Variants in EIF3H observed in about 807,000 individuals in gnomAD.
EIF3H encodes eIF-3-gamma.
A neutral mutation model predicts 44.2 loss-of-function variants in EIF3H; 26 were observed. The observed-to-expected ratio is 0.59, with a 90% CI of 0.43 to 0.82. The LOEUF is 0.82. Ranked by LOEUF, EIF3H falls within the 40% of genes least tolerant of loss-of-function variation. EIF3H has a pLI of 0.00. For synonymous variants in EIF3H, 166 were observed against 151.9 expected, an observed-to-expected ratio of 1.09 and a Z score of -0.68; for missense variants, 359 against 432.8, an observed-to-expected ratio of 0.83 and a Z score of 1.51.
At chr8:116,684,113 C>CA (rs1259277322) in intron 2 of EIF3H, among the ~76,000 whole-genome samples, 2 of 152,120 alleles carry the variant, frequency 1.3e-5, no homozygotes, top group South Asian at 2.1e-4. Flanking sequence ...TCCATTTCTG[C>CA]AAAAAGAACT....
At chr8:116,735,748 C>T (rs1815024750) in intron 1 of EIF3H, among the ~76,000 whole-genome samples, 1 of 151,924 alleles carries the variant, frequency 6.6e-6, no homozygotes, top group African/African-American at 2.4e-5. Flanking sequence ...TATCAAGCCC[C>T]CACTTTATTA....
intron 1 of EIF3H, among the ~76,000 whole-genome samples, chr8:116,729,174 A>G (rs1814910011): frequency 6.6e-6 from 1 of 152,190 alleles, no homozygotes; most frequent in Admixed American, 6.5e-5. Flanking sequence ...AAAGTAAACA[A>G]GAGATATTAG....
chr8:116,702,253 C>G (rs1033064240), intron 2 of EIF3H, among the ~76,000 whole-genome samples: 4 of 152,142 alleles, frequency 2.6e-5, no homozygotes, highest in African/African-American at 9.7e-5. Context: ...ACAAATGGTT[C>G]ATTCAGCATG....
upstream of EIF3H, among the ~76,000 whole-genome samples, chr8:116,760,457 A>C (rs1387732275): frequency 1.3e-5 from 2 of 152,254 alleles, no homozygotes; most frequent in African/African-American, 4.8e-5. Flanking sequence ...CAATAAAAAG[A>C]AAATAATATT....
At chr8:116,665,866 G>A (rs1448405918) in intron 2 of EIF3H, among the ~76,000 whole-genome samples, 1 of 152,188 alleles carries the variant, frequency 6.6e-6, no homozygotes, top group Non-Finnish European at 1.5e-5. Context: ...TGTAGACTTA[G>A]GCAAACAGAA....
chr8:116,753,467 G>T (rs1050885756), intron 1 of EIF3H, among the ~76,000 whole-genome samples: 1 of 152,080 alleles, frequency 6.6e-6, no homozygotes, highest in Non-Finnish European at 1.5e-5. Context: ...AGATATGAGC[G>T]TTTTCACCAC....
chr8:116,657,156 A>T, intron 4 of EIF3H, 59 bp downstream of exon 4: 1 of 1,440,132 alleles, frequency 6.9e-7, no homozygotes, highest in East Asian at 2.3e-5. Context: ...GAGATGTGGC[A>T]AAGAAAAATC....
chr8:116,656,976 T>G (rs1439234453), intron 4 of EIF3H, among the ~76,000 whole-genome samples: 1 of 152,172 alleles, frequency 6.6e-6, no homozygotes, highest in African/African-American at 2.4e-5. Flanking sequence ...ATCCAGTAGC[T>G]AATTAATTCC....
chr8:116,724,858 C>T (rs1156476965), intron 2 of EIF3H, among the ~76,000 whole-genome samples: 1 of 151,940 alleles, frequency 6.6e-6, no homozygotes, highest in African/African-American at 2.4e-5. Flanking sequence ...GGTGCAGCTG[C>T]TATTAAAAAA....
chr8:116,684,623 C>A (rs963433963), intron 2 of EIF3H, among the ~76,000 whole-genome samples: 6 of 151,898 alleles, frequency 4.0e-5, no homozygotes, highest in African/African-American at 1.5e-4. Context: ...AGGAAAAACA[C>A]AGAAATCTGG....
intron 2 of EIF3H, among the ~76,000 whole-genome samples, chr8:116,685,849 A>C (rs1563642543): frequency 6.6e-6 from 1 of 152,204 alleles, no homozygotes; most frequent in Non-Finnish European, 1.5e-5. Flanking sequence ...GTGTCATGAA[A>C]GGTTCCCAAA....
intron 1 of EIF3H, among the ~76,000 whole-genome samples, chr8:116,763,174 G>C (rs1317035467): frequency 6.6e-6 from 1 of 152,242 alleles, no homozygotes; most frequent in African/African-American, 2.4e-5. Flanking sequence ...TTGGGTAGAT[G>C]TGTGTAGGGA....
chr8:116,662,267 C>CT (rs1019447974), intron 2 of EIF3H, among the ~76,000 whole-genome samples: 1 of 151,258 alleles, frequency 6.6e-6, no homozygotes, highest in South Asian at 2.1e-4. Flanking sequence ...AAAAACAAAA[C>CT]TTTTTTTTTA....
At chr8:116,674,885 A>C (rs990603167) in intron 2 of EIF3H, among the ~76,000 whole-genome samples, 7 of 152,040 alleles carry the variant, frequency 4.6e-5, no homozygotes, top group African/African-American at 1.7e-4. Context: ...CAGGTGCAAA[A>C]AAAGTTGTTT....
At chr8:116,694,062 A>G (rs956730595) in intron 2 of EIF3H, among the ~76,000 whole-genome samples, 1 of 152,130 alleles carries the variant, frequency 6.6e-6, no homozygotes, top group Admixed American at 6.5e-5. Context: ...TCTTGTATGT[A>G]TATCACTTTA....
intron 1 of EIF3H, among the ~76,000 whole-genome samples, chr8:116,763,173 T>C (rs1815534974): frequency 1.3e-5 from 2 of 152,224 alleles, no homozygotes; most frequent in Admixed American, 6.5e-5. Context: ...TTTGGGTAGA[T>C]GTGTGTAGGG....
chr8:116,751,929 A>C (rs1815350817), intron 1 of EIF3H, among the ~76,000 whole-genome samples: 1 of 152,310 alleles, frequency 6.6e-6, no homozygotes, highest in Admixed American at 6.5e-5. Flanking sequence ...AAATCCAAGC[A>C]GTCTGGCTCC....
intron 2 of EIF3H, among the ~76,000 whole-genome samples, chr8:116,694,819 C>A (rs1374623778): frequency 1.3e-5 from 2 of 152,098 alleles, no homozygotes; most frequent in Admixed American, 1.3e-4. Flanking sequence ...GAGATACATA[C>A]TACAGGAGAT....
intron 3 of EIF3H, 102 bp from the exon 4 acceptor site, chr8:116,657,416 G>A (rs536767723): frequency 1.2e-6 from 1 of 810,038 alleles, no homozygotes; most frequent in South Asian, 1.6e-5. Context: ...CACAATCTTT[G>A]CAAAATAAAG....
Sources: gnomAD v4.1 joint callset for allele counts (sites outside exome capture counted in the v4.1 genomes callset) on GRCh38, gnomAD v4.1.1 for gene constraint, MANE v1.5 for transcripts, NCBI Gene and HGNC (gene_info 2026-07-23, HGNC 2026-07-21) for gene names.